The following VAV1 variants were observed in gnomAD, a reference collection of about 807,000 sequenced individuals.
The protein encoded by VAV1 is proto-oncogene vav.
Under a neutral mutation model 128.1 loss-of-function variants are expected in VAV1, and 33 were observed. The ratio of observed to expected loss-of-function variants is 0.26; its 90% confidence interval spans 0.20 to 0.34. VAV1 has a LOEUF of 0.34. VAV1 is among the 10% of genes least tolerant of loss of function. The pLI, the probability that VAV1 is intolerant of heterozygous loss-of-function variation, is 1.00. For synonymous variants in VAV1, 394 were observed against 409.8 expected, an observed-to-expected ratio of 0.96 and a Z score of 0.47; for missense variants, 715 against 1,093.7, an observed-to-expected ratio of 0.65 and a Z score of 4.88.
intron 23 of VAV1, among the ~76,000 whole-genome samples, chr19:6,850,236 T>G (rs1321105353): frequency 1.5e-5 from 2 of 133,490 alleles, no homozygotes; most frequent in African/African-American, 5.9e-5. Context: ...TTTTTTTTTT[T>G]TTTTTTTTTG....
At chr19:6,800,353 A>G (rs1971239113) in intron 1 of VAV1, among the ~76,000 whole-genome samples, 1 of 148,898 alleles carries the variant, frequency 6.7e-6, no homozygotes, top group East Asian at 2.0e-4. Context: ...TCTGTTGCCC[A>G]GGCTGGAGTG....
At chr19:6,853,844 G>A (rs942457794) in intron 25 of VAV1, 103 bp from the exon 26 acceptor site, 1 of 1,449,562 alleles carries the variant, frequency 6.9e-7, no homozygotes, top group African/African-American at 1.4e-5. Context: ...AGAGCACTGA[G>A]GAGCCCTTTA....
chr19:6,854,073 G>T lies in VAV1; in HGVS notation c.2459G>T (p.Trp820Leu), dbSNP rs1302126447. Reference sequence around the variant, plus strand: ...CTTAACAAGAAGGGACAGCAAGGCTGGTGGCGAGGGGAGATCTATGGCCGG... The same window carrying T: ...CTTAACAAGAAGGGACAGCAAGGCTTGTGGCGAGGGGAGATCTATGGCCGG... ...KILNKKGQQG[W>L]WRGEIYGRVG... The change falls in exon 26 of 27, where the codon TGG becomes TTG. Residue 820 changes from tryptophan (W) to leucine (L), a missense_variant. Physicochemically the swap from Trp to Leu is moderately conservative, Grantham distance 61 (BLOSUM62 -2). Around this residue, in one of 3 missense-constraint regions of VAV1, gnomAD observed 407 missense variants for 580.6 expected, o/e 0.70. Transcript: ENST00000602142. The T allele has an allele frequency of 1.2e-6, 2 of 1,613,422 alleles. No individual in the cohort carries two copies. The highest frequency in any genetic ancestry group is 2.7e-5 in the African/African-American group (2 of 74,928).
At chr19:6,798,659 T>TCCCCCC (rs113208165) in intron 1 of VAV1, among the ~76,000 whole-genome samples, 18 of 145,324 alleles carry the variant, frequency 1.2e-4, no homozygotes, top group African/African-American at 2.1e-4. Flanking sequence ...TTTCTCCCCT[T>TCCCCCC]CCCCCCCCCA....
intron 1 of VAV1, among the ~76,000 whole-genome samples, chr19:6,779,024 G>GGGGGTCT (rs1568280428): frequency 1.2e-3 from 158 of 137,230 alleles, no homozygotes; most frequent in Middle Eastern, 3.8e-3. Flanking sequence ...CTACAGGTGT[G>GGGGGTCT]CACCGGCATA....
rs937630552 is a variant in VAV1, at chr19:6,843,078, C to A, written c.1981-57C>A. The A allele has an allele frequency of 3.2e-6, 5 of 1,571,408 alleles. No homozygotes were observed. The African/African-American group carries it at 6.8e-5, about 21-fold the overall frequency. On this transcript the variant is annotated intron_variant, in intron 21 of 26. Coordinates refer to ENST00000602142, the MANE Select transcript of VAV1 (RefSeq NM_005428.4). ...GAATGAATGAATGAAGTGCCCTGCC[C>A]TCTGCTGTCAAGCTGGGGTCTTTAC... is the stretch of plus-strand genomic sequence containing the variant.
Position 6,773,077 on chromosome 19 carries a change from G to A in VAV1, c.204+66G>A, listed in dbSNP as rs976742347. The A allele has an allele frequency of 3.8e-5, 61 of 1,586,178 alleles. No individual in the cohort carries two copies. In the African/African-American group the frequency reaches 5.1e-4, roughly 13 times the overall value. On this transcript the variant is annotated intron_variant, in intron 1 of 26. Coordinates refer to ENST00000602142, the MANE Select transcript of VAV1 (RefSeq NM_005428.4). ...GGGGTCCTCCCCGGGGCTGACAGTC[G>A]AGGGGCTGACGTGCTGCTCCACCTC...
chr19:6,807,472 G>A (rs193053978), intron 1 of VAV1, among the ~76,000 whole-genome samples: 43 of 152,164 alleles, frequency 2.8e-4, no homozygotes, highest in Non-Finnish European at 4.9e-4. Flanking sequence ...GTGGTAATGC[G>A]AGCAATGGGG....
chr19:6,850,472 C>A (rs1268524084), intron 23 of VAV1, among the ~76,000 whole-genome samples, 198 bp from the exon 24 acceptor site: 1 of 151,282 alleles, frequency 6.6e-6, no homozygotes, highest in African/African-American at 2.4e-5. Context: ...GAAGATGATT[C>A]CTCTTCTACG....
intron 1 of VAV1, among the ~76,000 whole-genome samples, chr19:6,789,069 T>A (rs660134): frequency 1.3e-5 from 2 of 152,032 alleles, no homozygotes; most frequent in East Asian, 1.9e-4. Flanking sequence ...CTCCAGACAT[T>A]GCCAAATGTC....
intron 23 of VAV1, among the ~76,000 whole-genome samples, chr19:6,848,705 A>G (rs1972589369): frequency 6.6e-6 from 1 of 151,632 alleles, no homozygotes; most frequent in Non-Finnish European, 1.5e-5. Context: ...GCCTGGCCTG[A>G]AGGCTTTTAT....
intron 1 of VAV1, among the ~76,000 whole-genome samples, chr19:6,774,762 T>C (rs1404770926): frequency 3.3e-5 from 5 of 150,230 alleles, no homozygotes; most frequent in East Asian, 2.0e-4. Context: ...TTATCTTATC[T>C]TTTATTTTTT....
intron 1 of VAV1, among the ~76,000 whole-genome samples, chr19:6,803,643 C>A (rs1328309210): frequency 6.6e-6 from 1 of 152,146 alleles, no homozygotes; most frequent in Non-Finnish European, 1.5e-5. Flanking sequence ...CGGCTCACTG[C>A]AACCTCTGCT....
chr19:6,850,580 AGGGGTCAAGGTTGCTTCCTCCATAACT>A (rs1248949414), intron 23 of VAV1, 63 bp from the exon 24 acceptor site: 1 of 1,254,824 alleles, frequency 8.0e-7, no homozygotes, highest in Non-Finnish European at 1.2e-6. Flanking sequence ...TCCTCCCTGA[AGGGGTCAAGGTTGCTTCCTCCATAACT>A]GGGGCTTGGT....
At chr19:6,789,500 C>T (rs1042301660) in intron 1 of VAV1, among the ~76,000 whole-genome samples, 4 of 152,176 alleles carry the variant, frequency 2.6e-5, no homozygotes, top group Admixed American at 1.3e-4. Context: ...ATCCACCTGC[C>T]TTGGCCTCCC....
At position 6,843,142 on chromosome 19, in the gene VAV1, C is replaced by T. The variant is rs779809203; in HGVS notation, c.1988C>T (p.Pro663Leu). The stretch of plus-strand genomic sequence containing the variant: ...CTCTCTCTGTATTCTTAGGGCCCTC[C>T]TCAGGACCTGTCTGTTCATCTCTGG... ...NRVKPYVHGP[P>L]QDLSVHLWYA... The change falls in exon 22 of 27, where the codon CCT becomes CTT. Residue 663 changes from proline (P) to leucine (L), a missense_variant. By Grantham distance (98) the Pro-to-Leu change is moderately conservative. Around this residue, in one of 3 missense-constraint regions of VAV1, gnomAD observed 407 missense variants for 580.6 expected, o/e 0.70. Coordinates refer to ENST00000602142, the MANE Select transcript of VAV1 (RefSeq NM_005428.4). The T allele has an allele frequency of 3.7e-6, 6 of 1,614,146 alleles. No individual in the cohort carries two copies. Among genetic ancestry groups the T allele is most frequent in the Non-Finnish European group, 4.2e-6 (5 of 1,180,032 alleles).
At chr19:6,824,984 C>T (rs1971881398) in intron 6 of VAV1, 69 bp from the exon 7 acceptor site, 3 of 1,515,742 alleles carry the variant, frequency 2.0e-6, no homozygotes, top group Non-Finnish European at 2.8e-6. Context: ...TCTCCTTCCC[C>T]TGTCTCTCTG....
chr19:6,803,066 A>G (rs1971308813), intron 1 of VAV1, among the ~76,000 whole-genome samples: 1 of 152,204 alleles, frequency 6.6e-6, no homozygotes, highest in Non-Finnish European at 1.5e-5. Flanking sequence ...GGGCAAGGCA[A>G]GCCCTAAATT....
intron 4 of VAV1, 55 bp downstream of exon 4, chr19:6,821,914 G>C: frequency 6.2e-7 from 1 of 1,608,956 alleles, no homozygotes; most frequent in African/African-American, 1.3e-5. Flanking sequence ...CCTGGGGGTG[G>C]AGGGTGTGGG....
Sources: gnomAD v4.1 joint callset for allele counts (sites outside exome capture counted in the v4.1 genomes callset) on GRCh38, gnomAD v4.1.1 for gene constraint, gnomAD v4.1.1 regional missense constraint, MANE v1.5 for transcripts, NCBI Gene and HGNC (gene_info 2026-07-23, HGNC 2026-07-21) for gene names.